The following DCC variants were observed in gnomAD, a reference collection of about 807,000 sequenced individuals.
DCC encodes netrin receptor DCC.
A neutral mutation model predicts 172.5 loss-of-function variants in DCC; 58 were observed. The ratio of observed to expected loss-of-function variants is 0.34; its 90% CI spans 0.27 to 0.42. The LOEUF is 0.42. Ranked by LOEUF, DCC falls within the 10% of genes least tolerant of loss-of-function variation. The probability of loss-of-function intolerance (pLI) is 1.00; values close to 1 mark genes in which losing one functional copy is unlikely to be tolerated. For missense variants in DCC, 1,740 were observed against 1,791.0 expected (o/e 0.97, Z 0.51); for synonymous variants, 709 against 644.5 (o/e 1.10, Z -1.52).
intron 1 of DCC, among the ~76,000 whole-genome samples, chr18:52,491,380 G>T (rs1173905318): frequency 6.6e-6 from 1 of 152,064 alleles, no homozygotes; most frequent in South Asian, 2.1e-4. Context: ...AGTAAAGTTG[G>T]TTGCTTAATT....
chr18:52,554,687 T>A (rs1156939613), intron 1 of DCC, among the ~76,000 whole-genome samples: 1 of 152,116 alleles, frequency 6.6e-6, no homozygotes, highest in African/African-American at 2.4e-5. Context: ...AATGGTCTCA[T>A]TCTTCTGTGT....
chr18:53,106,909 T>G (rs1206249549), intron 7 of DCC, among the ~76,000 whole-genome samples: 3 of 151,936 alleles, frequency 2.0e-5, no homozygotes, highest in Non-Finnish European at 4.4e-5. Flanking sequence ...GTGTAATTAC[T>G]GTTTTCCACA....
intron 25 of DCC, among the ~76,000 whole-genome samples, chr18:53,472,534 T>C (rs539560355): frequency 6.6e-6 from 1 of 152,324 alleles, no homozygotes; most frequent in South Asian, 2.1e-4. Context: ...TATTGTACTT[T>C]AGAATCTGTG....
intron 27 of DCC, among the ~76,000 whole-genome samples, chr18:53,501,201 C>T (rs1487909858): frequency 1.3e-5 from 2 of 152,152 alleles, no homozygotes; most frequent in Non-Finnish European, 2.9e-5. Context: ...ATAGGACAGG[C>T]ATGATTCTGA....
chr18:52,431,463 G>T (rs1444690467), intron 1 of DCC, among the ~76,000 whole-genome samples: 3 of 152,028 alleles, frequency 2.0e-5, no homozygotes, highest in Non-Finnish European at 1.5e-5. Flanking sequence ...TAGTGCCACG[G>T]ACTGTGCTAA....
intron 5 of DCC, among the ~76,000 whole-genome samples, chr18:53,034,664 A>ATCAATCTGTCATATCCTGG (rs1386815890): frequency 6.6e-5 from 10 of 151,066 alleles, no homozygotes; most frequent in African/African-American, 2.4e-4. Context: ...AGTGATCCTG[A>ATCAATCTGTCATATCCTGG]TCAATCTGTC....
chr18:53,361,161 A>T (rs2057940693), intron 15 of DCC, among the ~76,000 whole-genome samples: 1 of 152,178 alleles, frequency 6.6e-6, no homozygotes, highest in Admixed American at 6.6e-5. Context: ...GTGACAAGGA[A>T]TTAGGATCCA....
At chr18:52,367,031 G>A (rs909777265) in intron 1 of DCC, among the ~76,000 whole-genome samples, 1 of 152,228 alleles carries the variant, frequency 6.6e-6, no homozygotes, top group East Asian at 1.9e-4. Flanking sequence ...GCGGGCTACA[G>A]GTCCCGAGCC....
At chr18:52,915,503 A>G (rs1002615519) in intron 3 of DCC, among the ~76,000 whole-genome samples, 2 of 152,162 alleles carry the variant, frequency 1.3e-5, no homozygotes, top group African/African-American at 4.8e-5. Flanking sequence ...TTTTAAAACA[A>G]TTCTTTAAAA....
chr18:52,694,535 C>T (rs1268790573), intron 1 of DCC, among the ~76,000 whole-genome samples: 1 of 151,846 alleles, frequency 6.6e-6, no homozygotes, highest in African/African-American at 2.4e-5. Flanking sequence ...ACGCAAGGAC[C>T]CAGTGTTATT....
At position 53,486,971 on chromosome 18, in the gene DCC, C is replaced by T. The variant is rs753386635; in HGVS notation, c.3898+13C>T. On this transcript the variant is annotated intron_variant, in intron 26 of 28. Coordinates refer to ENST00000442544, the MANE Select transcript of DCC (RefSeq NM_005215.4). Reference sequence around the variant, plus strand: ...GGAAGAAGTCAGTGTAATGCATTTTCCTCTCTTTTTAATAAGCACAAATGA... The same window carrying T: ...GGAAGAAGTCAGTGTAATGCATTTTTCTCTCTTTTTAATAAGCACAAATGA... The T allele has an allele frequency of 3.2e-5, 51 of 1,613,898 alleles. No homozygotes were observed. Among genetic ancestry groups the T allele is most frequent in the Non-Finnish European group, 3.8e-5 (45 of 1,180,000 alleles).
At chr18:52,985,177 C>T (rs1442211001) in intron 5 of DCC, among the ~76,000 whole-genome samples, 1 of 151,994 alleles carries the variant, frequency 6.6e-6, no homozygotes, top group Non-Finnish European at 1.5e-5. Context: ...TTAGGCTATG[C>T]TTACTGTTTT....
chr18:53,023,021 G>A (rs369387935), intron 5 of DCC, among the ~76,000 whole-genome samples: 1 of 152,100 alleles, frequency 6.6e-6, no homozygotes, highest in African/African-American at 2.4e-5. Context: ...CTTTTTGGAA[G>A]GCTGGTTGTT....
intron 2 of DCC, among the ~76,000 whole-genome samples, chr18:52,901,763 T>TA (rs1168367336): frequency 6.6e-6 from 1 of 152,232 alleles, no homozygotes; most frequent in Non-Finnish European, 1.5e-5. Flanking sequence ...ATACTCTATT[T>TA]AAACATTTAG....
intron 1 of DCC, among the ~76,000 whole-genome samples, chr18:52,428,704 T>C (rs116663038): frequency 0.014 from 2,125 of 152,170 alleles, 51 homozygotes; most frequent in African/African-American, 0.048. Flanking sequence ...GAGCAAGCCA[T>C]GGAAATTTAT....
At chr18:53,486,688 A>C in intron 25 of DCC, 109 bp from the exon 26 acceptor site, 1 of 1,449,102 alleles carries the variant, frequency 6.9e-7, no homozygotes, top group African/African-American at 1.4e-5. Flanking sequence ...AGTTGATACT[A>C]TGAAGAGTGT....
chr18:52,712,188 T>C (rs2078061173), intron 1 of DCC, among the ~76,000 whole-genome samples: 1 of 152,308 alleles, frequency 6.6e-6, no homozygotes, highest in Non-Finnish European at 1.5e-5. Context: ...CTTGATCTCT[T>C]GACCTTGTGA....
intron 5 of DCC, among the ~76,000 whole-genome samples, chr18:52,957,782 G>A (rs907195925): frequency 1.3e-5 from 2 of 152,090 alleles, no homozygotes; most frequent in Non-Finnish European, 2.9e-5. Context: ...GAACTCAATA[G>A]GATGTGAGAG....
In DCC at chr18:53,339,861, A is replaced by C. The variant is rs147372786; in HGVS notation, c.2313A>C (p.Thr771=). 9.0e-5 allele frequency: 146 copies of C among 1,613,920 alleles called. No individual in the cohort carries two copies. In the African/African-American group the frequency reaches 1.8e-3, roughly 20 times the overall value. The change falls in exon 15 of 29, where the codon ACA becomes ACC. Residue 771 remains threonine, a synonymous_variant. Transcript: ENST00000442544. ...GYGVGSPYAE[T]VRVDSKQRYY... is the part of the protein sequence containing the mutation. ...GCGTTGGGAGCCCTTACGCTGAGAC[A>C]GTGCGTGTGGACAGCAAGCAGCGAT... is the stretch of plus-strand genomic sequence containing the variant.
Sources: allele counts gnomAD v4.1 joint callset (sites outside exome capture counted in the v4.1 genomes callset), GRCh38; gene constraint gnomAD v4.1.1; transcripts MANE v1.5; gene names NCBI Gene and HGNC (gene_info 2026-07-23, HGNC 2026-07-21).